Variants in DHRSX observed in about 807,000 individuals in gnomAD.
DHRSX encodes the protein polyprenol dehydrogenase.
In DHRSX, 31 loss-of-function variants were observed where a neutral mutation model predicts 34.0. That is an observed-to-expected ratio of 0.91 (90% CI 0.69 to 1.23). The LOEUF is 1.23. DHRSX is among the 50% of genes most tolerant of loss of function. The pLI, the probability that DHRSX is intolerant of heterozygous loss-of-function variation, is 0.00. For synonymous variants in DHRSX, 201 were observed against 183.8 expected, an observed-to-expected ratio of 1.09 and a Z score of -0.76; for missense variants, 414 against 428.1, an observed-to-expected ratio of 0.97 and a Z score of 0.29.
At chrX:2,230,317 C>T (rs1227856688) in intron 6 of DHRSX, among the ~76,000 whole-genome samples, 1 of 152,222 alleles carries the variant, frequency 6.6e-6, no homozygotes, top group Non-Finnish European at 1.5e-5. Flanking sequence ...AGGGATGTTT[C>T]ATGGCCTCAG....
intron 3 of DHRSX, among the ~76,000 whole-genome samples, chrX:2,383,201 C>T (rs1166635592): frequency 1.3e-5 from 2 of 151,596 alleles, no homozygotes; most frequent in Non-Finnish European, 2.9e-5. Flanking sequence ...TCACTATCAC[C>T]ATCCTCATCA....
intron 3 of DHRSX, among the ~76,000 whole-genome samples, chrX:2,405,891 G>A (rs1222481280): frequency 2.1e-4 from 26 of 125,744 alleles, no homozygotes; most frequent in Non-Finnish European, 1.6e-5. Flanking sequence ...AGCCAAGGAA[G>A]GGATGTGCAT....
chrX:2,473,057 C>G (rs1233565957), intron 1 of DHRSX, among the ~76,000 whole-genome samples: 1 of 152,084 alleles, frequency 6.6e-6, no homozygotes, highest in Non-Finnish European at 1.5e-5. Context: ...CTCCATGGCA[C>G]CTAGCTCTAG....
At chrX:2,412,430 T>G (rs2043643294) in intron 2 of DHRSX, among the ~76,000 whole-genome samples, 1 of 152,022 alleles carries the variant, frequency 6.6e-6, no homozygotes, top group African/African-American at 2.4e-5. Context: ...GACAGGAGAC[T>G]ATAGTTTGAT....
chrX:2,347,645 G>C (rs1279252649), intron 3 of DHRSX, among the ~76,000 whole-genome samples: 5 of 152,198 alleles, frequency 3.3e-5, no homozygotes, highest in Non-Finnish European at 5.9e-5. Context: ...AGTGAGCCGA[G>C]ATCATGCCAC....
At chrX:2,251,456 TCCTTTGTTCTCCTCTG>T (rs1475120176) in intron 5 of DHRSX, among the ~76,000 whole-genome samples, 1 of 152,186 alleles carries the variant, frequency 6.6e-6, no homozygotes, top group Non-Finnish European at 1.5e-5. Context: ...ACTTCCTCCT[TCCTTTGTTCTCCTCTG>T]CCTTTGCCTC....
At chrX:2,431,833 G>A (rs1231165279) in intron 1 of DHRSX, among the ~76,000 whole-genome samples, 1 of 152,134 alleles carries the variant, frequency 6.6e-6, no homozygotes. Context: ...GGATCCTTGT[G>A]CTCCAAACCT....
At chrX:2,306,760 G>A (rs2042101921) in intron 3 of DHRSX, among the ~76,000 whole-genome samples, 1 of 151,942 alleles carries the variant, frequency 6.6e-6, no homozygotes, top group Non-Finnish European at 1.5e-5. Context: ...TTCTATTTTT[G>A]TCGTGTCCTT....
chrX:2,272,523 A>G (rs967882571), intron 4 of DHRSX, among the ~76,000 whole-genome samples: 1 of 152,154 alleles, frequency 6.6e-6, no homozygotes, highest in African/African-American at 2.4e-5. Flanking sequence ...ACAGTGGTGT[A>G]AACACTGTGT....
intron 3 of DHRSX, among the ~76,000 whole-genome samples, chrX:2,400,119 G>A (rs1215624699): frequency 4.6e-5 from 7 of 152,104 alleles, no homozygotes; most frequent in African/African-American, 9.7e-5. Flanking sequence ...AAAACTTCTC[G>A]GGAATAAACA....
chrX:2,477,030 C>A (rs2044690580), intron 1 of DHRSX, among the ~76,000 whole-genome samples: 1 of 152,026 alleles, frequency 6.6e-6, no homozygotes, highest in Admixed American at 6.6e-5. Flanking sequence ...CAAAAAAACA[C>A]CACATGTGCT....
chrX:2,446,049 T>C (rs1046369436), intron 1 of DHRSX, among the ~76,000 whole-genome samples: 18 of 151,402 alleles, frequency 1.2e-4, no homozygotes, highest in Non-Finnish European at 2.5e-4. Flanking sequence ...CCTAAGTTTG[T>C]GGCTAAGGGA....
intron 3 of DHRSX, among the ~76,000 whole-genome samples, chrX:2,308,693 T>G (rs2037325224): frequency 6.6e-6 from 1 of 151,980 alleles, no homozygotes; most frequent in South Asian, 2.1e-4. Flanking sequence ...CCAAGTATAT[T>G]TTTCAAGAAT....
At chrX:2,313,231 T>C (rs1271223121) in intron 3 of DHRSX, among the ~76,000 whole-genome samples, 5 of 151,914 alleles carry the variant, frequency 3.3e-5, no homozygotes, top group Admixed American at 3.3e-4. Flanking sequence ...CTTGAACTAC[T>C]AGTAGACCTC....
chrX:2,313,975 C>T (rs899502978), intron 3 of DHRSX, among the ~76,000 whole-genome samples: 1 of 151,810 alleles, frequency 6.6e-6, no homozygotes, highest in African/African-American at 2.4e-5. Context: ...ATCTGAAGAC[C>T]TGGAATCAAC....
chrX:2,444,384 C>G (rs921605989), intron 1 of DHRSX, among the ~76,000 whole-genome samples: 4 of 152,294 alleles, frequency 2.6e-5, no homozygotes, highest in South Asian at 2.1e-4. Context: ...AAGGCACTTA[C>G]GAGGACTCTT....
At position 2,428,454 on chromosome X, in the gene DHRSX, G is replaced by C. The variant is rs140205902; in HGVS notation, c.110-3150C>G. Among the ~76,000 whole-genome samples, 832 of 152,244 alleles carry C rather than the reference G, an allele frequency of 5.5e-3. 10 individuals carry two copies. Among genetic ancestry groups the C allele is most frequent in the African/African-American group, 0.019 (777 of 41,526 alleles). On this transcript the variant is annotated intron_variant, in intron 1 of 6. Coordinates refer to ENST00000334651, the MANE Select transcript of DHRSX (RefSeq NM_145177.3). ...ACTATGCAGCCATAAAAAAGGATGG[G>C]TTCATGTCCTTTGCAGGGACATGGA...
chrX:2,469,142 GACC>G (rs1603134326), intron 1 of DHRSX, among the ~76,000 whole-genome samples: 1 of 152,014 alleles, frequency 6.6e-6, no homozygotes, highest in Admixed American at 6.6e-5. Context: ...GCGCCCAAGG[GACC>G]ACCACCATGT....
chrX:2,419,824 G>C (rs1359351872), intron 2 of DHRSX, among the ~76,000 whole-genome samples: 1 of 129,016 alleles, frequency 7.8e-6, no homozygotes, highest in Non-Finnish European at 1.6e-5. Flanking sequence ...GTTGTGGGGT[G>C]GGGGGAGGGG....
Sources: allele counts gnomAD v4.1 joint callset (sites outside exome capture counted in the v4.1 genomes callset), GRCh38; gene constraint gnomAD v4.1.1; transcripts MANE v1.5; gene names NCBI Gene and HGNC (gene_info 2026-07-23, HGNC 2026-07-21).